The following PRKCH variants were observed in gnomAD, a reference collection of about 807,000 sequenced individuals.
PRKCH encodes the protein protein kinase C eta type.
Under a neutral mutation model 82.5 loss-of-function variants are expected in PRKCH, and 28 were observed. The observed-to-expected ratio is 0.34, with a 90% CI of 0.25 to 0.47. The LOEUF (loss-of-function observed/expected upper bound fraction) is 0.47, where lower values mean the gene tolerates loss of function less well. Among genes scored for constraint, PRKCH ranks in the 20% least tolerant of loss-of-function variants. The pLI is 1.00. For missense variants in PRKCH, 705 were observed against 881.8 expected (o/e 0.80, Z 2.54); for synonymous variants, 322 against 327.4 (o/e 0.98, Z 0.18).
At chr14:61,401,538 T>G (rs75019089) in intron 2 of PRKCH, among the ~76,000 whole-genome samples, 3,150 of 152,294 alleles carry the variant, frequency 0.021, 75 homozygotes, top group East Asian at 0.083. Context: ...TTTTCCCCAC[T>G]GTGTTGACAT....
chr14:61,534,442 T>C (rs2043081936), intron 12 of PRKCH, among the ~76,000 whole-genome samples: 1 of 152,212 alleles, frequency 6.6e-6, no homozygotes, highest in Admixed American at 6.5e-5. Flanking sequence ...GACGCCTTTT[T>C]CCAGAATTTT....
chr14:61,462,430 A>G (rs1885067230), intron 9 of PRKCH, among the ~76,000 whole-genome samples: 1 of 152,206 alleles, frequency 6.6e-6, no homozygotes, highest in Non-Finnish European at 1.5e-5. Flanking sequence ...AGATTTTCTA[A>G]TGCTGAGATA....
chr14:61,312,012 T>A (rs1024182424), intron 1 of PRKCH, among the ~76,000 whole-genome samples: 1 of 152,116 alleles, frequency 6.6e-6, no homozygotes, highest in African/African-American at 2.4e-5. Context: ...GGTTGACATG[T>A]GGGGATTAGA....
intron 1 of PRKCH, chr14:61,298,286 G>A (rs2045420688): frequency 6.6e-6 from 1 of 152,290 alleles, no homozygotes; most frequent in Non-Finnish European, 1.5e-5. Flanking sequence ...CCACTTGGAT[G>A]TCTTCAGGCA....
intron 1 of PRKCH, among the ~76,000 whole-genome samples, chr14:61,235,276 T>G (rs1191376492): frequency 6.6e-6 from 1 of 152,234 alleles, no homozygotes; most frequent in Non-Finnish European, 1.5e-5. Context: ...CTTTTAGCCC[T>G]GTTCAATTCT....
At position 61,547,810 on chromosome 14, in the gene PRKCH, G is replaced by A. The variant is rs1346415244; in HGVS notation, c.1829G>A (p.Arg610Lys). 3.1e-6 allele frequency: 5 copies of A among 1,614,212 alleles called. No individual in the cohort carries two copies. The highest frequency in any genetic ancestry group is 4.2e-6 in the Non-Finnish European group (5 of 1,180,032). Residue 610 changes from arginine to lysine, a missense_variant, in exon 13 of 14, where the codon AGA becomes AAA. Physicochemically the swap from Arg to Lys is conservative, Grantham distance 26 (BLOSUM62 2). Around this residue, in one of 5 missense-constraint regions of PRKCH, gnomAD observed 115 missense variants for 193.8 expected, o/e 0.59. Transcript: ENST00000332981. ...LTQGGEHAIL[R>K]HPFFKEIDWA... ...CAGGGAGGCGAGCACGCCATCTTGAGACATCCTTTTTTTAAGGAAATCGAC... is the reference window on the plus strand; with the variant it reads ...CAGGGAGGCGAGCACGCCATCTTGAAACATCCTTTTTTTAAGGAAATCGAC...
rs1188602394 is a variant in PRKCH, at chr14:61,280,291, T to A, written c.-19+92623T>A. ...GCGCACCGGGTAGTTGTAGGTGATG[T>A]TGACGCGGTAGGCGCCCCGCGGCAG... On this transcript the variant is annotated intron_variant, in intron 1 of 3. Coordinates refer to the PRKCH transcript ENST00000555185. The surrounding 1 kb of genome is among the most constrained non-coding windows in gnomAD (Gnocchi z 5.0). The A allele has an allele frequency of 1.2e-6, 2 of 1,613,954 alleles. No homozygotes were observed. Among genetic ancestry groups the A allele is most frequent in the East Asian group, 4.5e-5 (2 of 44,844 alleles).
intron 11 of PRKCH, among the ~76,000 whole-genome samples, chr14:61,530,162 C>G (rs1463308132): frequency 6.6e-6 from 1 of 152,068 alleles, no homozygotes; most frequent in Admixed American, 6.5e-5. Flanking sequence ...GGGATCTGCA[C>G]GAGCCCATCA....
chr14:61,513,224 C>T (rs1021776691), intron 10 of PRKCH, among the ~76,000 whole-genome samples: 1 of 152,264 alleles, frequency 6.6e-6, no homozygotes, highest in East Asian at 1.9e-4. Context: ...GGGAATGCAA[C>T]CAAAGTTTAA....
At chr14:61,512,790 C>T (rs1406015199) in intron 10 of PRKCH, among the ~76,000 whole-genome samples, 1 of 151,992 alleles carries the variant, frequency 6.6e-6, no homozygotes, top group African/African-American at 2.4e-5. Context: ...CCTACAAGCC[C>T]AATTTTCTTT....
chr14:61,398,698 A>G (rs941677907), intron 2 of PRKCH, among the ~76,000 whole-genome samples: 1 of 152,214 alleles, frequency 6.6e-6, no homozygotes, highest in African/African-American at 2.4e-5. Context: ...TTAAGAGGAA[A>G]TATAGGGGAC....
At chr14:61,234,571 C>A (rs73317466) in intron 1 of PRKCH, among the ~76,000 whole-genome samples, 5,399 of 152,268 alleles carry the variant, frequency 0.035, 201 homozygotes, top group African/African-American at 0.093. Context: ...CCATCTTAGA[C>A]AACCAATATT....
intron 1 of PRKCH, among the ~76,000 whole-genome samples, chr14:61,263,701 C>G (rs1594880524): frequency 8.0e-6 from 1 of 124,836 alleles, no homozygotes; most frequent in Admixed American, 7.8e-5. Flanking sequence ...ACAAAATAAT[C>G]AGCCAAGTTC....
intron 1 of PRKCH, among the ~76,000 whole-genome samples, chr14:61,286,024 C>G (rs2045310889): frequency 6.6e-6 from 1 of 152,172 alleles, no homozygotes; most frequent in Non-Finnish European, 1.5e-5. Flanking sequence ...GTTTAGCATG[C>G]TCATTTCTCT....
At chr14:61,248,181 G>A (rs2044905023) in intron 1 of PRKCH, among the ~76,000 whole-genome samples, 1 of 151,960 alleles carries the variant, frequency 6.6e-6, no homozygotes. Flanking sequence ...TTATCTTCTT[G>A]GTGTTCTCTA....
chr14:61,231,596 T>A (rs2140059652), intron 1 of PRKCH, among the ~76,000 whole-genome samples: 1 of 152,174 alleles, frequency 6.6e-6, no homozygotes, highest in Middle Eastern at 3.4e-3. Flanking sequence ...ATGGTCTCGA[T>A]CTCCTGACCT....
chr14:61,499,852 G>C (rs1447922644), intron 10 of PRKCH, among the ~76,000 whole-genome samples: 2 of 148,436 alleles, frequency 1.3e-5, no homozygotes, highest in African/African-American at 5.0e-5. Flanking sequence ...AGTAGCTTCA[G>C]TTCACTGGTT....
intron 10 of PRKCH, chr14:61,492,461 T>C (rs7159840): frequency 0.19 from 29,302 of 152,158 alleles, 3,185 homozygotes; most frequent in African/African-American, 0.3. Flanking sequence ...AAATTGTTTC[T>C]CATAGTGGAT....
chr14:61,323,127 T>C (rs967497559), intron 1 of PRKCH, among the ~76,000 whole-genome samples: 1 of 152,170 alleles, frequency 6.6e-6, no homozygotes. Flanking sequence ...TCTGCTGCTA[T>C]GGGTCTGAGA....
Sources: gnomAD v4.1 joint callset for allele counts (sites outside exome capture counted in the v4.1 genomes callset) on GRCh38, gnomAD v4.1.1 for gene constraint, gnomAD v4.1.1 regional missense constraint, Gnocchi (gnomAD v3.1) non-coding constraint, MANE v1.5 for transcripts, NCBI Gene and HGNC (gene_info 2026-07-23, HGNC 2026-07-21) for gene names.